The following USP2 variants were observed in gnomAD, a reference collection of about 807,000 sequenced individuals.
USP2 encodes ubiquitin carboxyl-terminal hydrolase 2.
USP2 carries 33 observed loss-of-function variants against 72.0 expected under a neutral mutation model. That is an observed-to-expected ratio of 0.46 (90% CI 0.35 to 0.61). The LOEUF is 0.61. Ranked by LOEUF, USP2 falls within the 20% of genes least tolerant of loss-of-function variation. The pLI is 0.01. For missense variants in USP2, 691 were observed against 797.8 expected, an observed-to-expected ratio of 0.87 and a Z score of 1.61; for synonymous variants, 296 against 312.5, an observed-to-expected ratio of 0.95 and a Z score of 0.56.
At chr11:119,358,481 AAT>A (rs1950709873) in intron 7 of USP2, among the ~76,000 whole-genome samples, 1 of 152,014 alleles carries the variant, frequency 6.6e-6, no homozygotes, top group African/African-American at 2.4e-5. Context: ...ATGCCTGGCT[AAT>A]TTTTGCATTT....
At chr11:119,364,368 TC>T (rs1383875818) in intron 2 of USP2, among the ~76,000 whole-genome samples, 5 of 151,650 alleles carry the variant, frequency 3.3e-5, no homozygotes, top group Admixed American at 1.3e-4. Context: ...TTCCCCGCGC[TC>T]CCCGGCGCCC....
chr11:119,370,525 G>A (rs2135404022), intron 2 of USP2, among the ~76,000 whole-genome samples: 1 of 152,280 alleles, frequency 6.6e-6, no homozygotes, highest in Middle Eastern at 3.4e-3. Context: ...ACTGGACCCA[G>A]TTTTAGAAAG....
intron 1 of USP2, among the ~76,000 whole-genome samples, chr11:119,375,791 C>T (rs674977): frequency 0.024 from 3,691 of 152,282 alleles, 149 homozygotes; most frequent in African/African-American, 0.084. Flanking sequence ...TGGTATTCTT[C>T]GGGCAGCGCC....
chr11:119,357,683 C>T, intron 10 of USP2, 74 bp downstream of exon 10: 1 of 1,613,362 alleles, frequency 6.2e-7, no homozygotes, highest in Non-Finnish European at 8.5e-7. Context: ...CCGACTGTTC[C>T]CCTCACCTAT....
In USP2 at chr11:119,373,495, C is replaced by G; in HGVS notation, c.-15G>C. 1 of 1,558,440 alleles carries G rather than the reference C, an allele frequency of 6.4e-7. No individual in the cohort carries two copies. The highest frequency in any genetic ancestry group is 8.6e-7 in the Non-Finnish European group (1 of 1,158,750). On this transcript the variant is annotated 5_prime_UTR_variant, in exon 2 of 13. Transcript: ENST00000260187. ...AGCTGGGACATCCTTCAGGGTGGCACTCAGTGGGGACTGGGAGCCTCATGG... is the reference window on the plus strand; with the variant it reads ...AGCTGGGACATCCTTCAGGGTGGCAGTCAGTGGGGACTGGGAGCCTCATGG...
intron 2 of USP2, chr11:119,363,774 G>A: frequency 8.4e-7 from 1 of 1,189,072 alleles, no homozygotes; most frequent in Non-Finnish European, 1.1e-6. Flanking sequence ...CTAGGGGCGC[G>A]TGGCGGGCAG....
Position 119,360,342 on chromosome 11 carries a change from A to C in USP2, c.775-108T>G, listed in dbSNP as rs929335010. ...GCTGGAGCCACAGGCAGCAGGCCAC[A>C]CATAATATTCTTTCTTCAACTTTAC... On this transcript the variant is annotated intron_variant, in intron 2 of 12. Transcript: ENST00000260187. 8 of 1,097,200 alleles carry C rather than the reference A, an allele frequency of 7.3e-6. No individual in the cohort carries two copies. The African/African-American group carries it at 1.2e-4, about 17-fold the overall frequency. 68.0% of individuals were successfully genotyped at this position (1,097,200 alleles called of 1,614,324 possible).
rs1950951863 is a variant in USP2 at position 119,372,949 on chromosome 11, C to A, written c.532G>T (p.Glu178Ter). ...RSPMLARTRK[E>*]LCTLQGLYQT... ...TAGAGCCCCTGCAGGGTGCAGAGCT[C>A]CTTGCGCGTCCGGGCCAGCATGGGG... Residue 178 changes from glutamate to a stop codon, truncating the protein, a stop_gained, in exon 2 of 13, where the codon GAG becomes TAG. Coordinates refer to ENST00000260187, the MANE Select transcript of USP2 (RefSeq NM_004205.5). LOFTEE classifies it high-confidence loss of function. 1 of 1,613,742 alleles carries A rather than the reference C, an allele frequency of 6.2e-7. No individual in the cohort carries two copies. Among genetic ancestry groups the A allele is most frequent in the East Asian group, 2.2e-5 (1 of 44,878 alleles).
intron 2 of USP2, chr11:119,360,520 T>C: frequency 2.1e-6 from 1 of 472,140 alleles, no homozygotes; most frequent in Non-Finnish European, 4.0e-6. Flanking sequence ...ACCTCGTGGG[T>C]TCAAGCGATT....
At chr11:119,368,810 T>C (rs773851377) in intron 2 of USP2, among the ~76,000 whole-genome samples, 8 of 152,132 alleles carry the variant, frequency 5.3e-5, no homozygotes, top group Non-Finnish European at 8.8e-5. Context: ...CTGGATCTTC[T>C]TGGGGAGAGG....
intron 3 of USP2, 71 bp from the exon 4 acceptor site, chr11:119,359,731 A>G: frequency 1.3e-6 from 2 of 1,576,422 alleles, no homozygotes; most frequent in Non-Finnish European, 1.7e-6. Flanking sequence ...TTACTACCAG[A>G]GGCTCTCTGG....
At chr11:119,361,217 C>T (rs1950760144) in intron 2 of USP2, among the ~76,000 whole-genome samples, 1 of 152,178 alleles carries the variant, frequency 6.6e-6, no homozygotes, top group Admixed American at 6.5e-5. Flanking sequence ...GCAGATTGGG[C>T]CCGCAGAGGC....
At chr11:119,368,967 A>G (rs146824749) in intron 2 of USP2, among the ~76,000 whole-genome samples, 2,154 of 152,310 alleles carry the variant, frequency 0.014, 53 homozygotes, top group African/African-American at 0.049. Flanking sequence ...GCAGGGCTCA[A>G]TGGGAACAGC....
At chr11:119,363,266 G>T (rs2135394585) in intron 2 of USP2, among the ~76,000 whole-genome samples, 1 of 152,354 alleles carries the variant, frequency 6.6e-6, no homozygotes, top group South Asian at 2.1e-4. Context: ...TTCCCCTGGG[G>T]GCTGCTTCCG....
intron 1 of USP2, 117 bp downstream of exon 1, chr11:119,381,355 TC>T: frequency 8.8e-7 from 1 of 1,132,024 alleles, no homozygotes; most frequent in Non-Finnish European, 1.2e-6. Flanking sequence ...GCCGGCTCTC[TC>T]CCTATATTTC....
Position 119,356,808 on chromosome 11 carries a change from A to G in USP2, c.*27T>C, listed in dbSNP as rs369041516. ...TTTAGGGAGCGGGGCCACCACGGGG[A>G]AGGGAGAAGGGACGTGGCTCCTGGC... On this transcript the variant is annotated 3_prime_UTR_variant, in exon 13 of 13. Coordinates refer to ENST00000260187, the MANE Select transcript of USP2 (RefSeq NM_004205.5). 2.2e-4 allele frequency: 343 copies of G among 1,534,686 alleles called. No homozygotes were observed. Among genetic ancestry groups the G allele is most frequent in the Non-Finnish European group, 2.4e-4 (270 of 1,138,736 alleles).
chr11:119,360,486 C>T (rs890854676), intron 2 of USP2: 23 of 534,358 alleles, frequency 4.3e-5, no homozygotes, highest in Admixed American at 1.0e-4. Flanking sequence ...TGCAGTGGTA[C>T]GATCTTAGCT....
intron 2 of USP2, among the ~76,000 whole-genome samples, chr11:119,368,222 C>A (rs2135401244): frequency 6.6e-6 from 1 of 152,326 alleles, no homozygotes; most frequent in African/African-American, 2.4e-5. Context: ...GCTGCCAACA[C>A]AGATTCATGA....
At chr11:119,359,413 A>T in intron 4 of USP2, 71 bp from the exon 5 acceptor site, 1 of 1,585,506 alleles carries the variant, frequency 6.3e-7, no homozygotes, top group Non-Finnish European at 8.6e-7. Flanking sequence ...TAGAATCCCA[A>T]CAAAAAGCAA....
Sources: gnomAD v4.1 joint callset for allele counts (sites outside exome capture counted in the v4.1 genomes callset) on GRCh38, gnomAD v4.1.1 for gene constraint, MANE v1.5 for transcripts, NCBI Gene and HGNC (gene_info 2026-07-23, HGNC 2026-07-21) for gene names.